The following LDHD variants were observed in gnomAD, a reference collection of about 807,000 sequenced individuals.
The protein encoded by LDHD is lactate dehydrogenase D, also known as D-lactate dehydrogenase, mitochondrial.
Under a neutral mutation model 52.9 loss-of-function variants are expected in LDHD, and 58 were observed. The ratio of observed to expected loss-of-function variants is 1.10; its 90% CI spans 0.89 to 1.36. The LOEUF (loss-of-function observed/expected upper bound fraction) is 1.36, where lower values mean the gene tolerates loss of function less well. Ranked by LOEUF, LDHD falls within the 40% of genes most tolerant of loss-of-function variation. LDHD has a pLI of 0.00. For missense variants in LDHD, 747 were observed against 668.0 expected (o/e 1.12, Z -1.30); for synonymous variants, 350 against 288.6 (o/e 1.21, Z -2.16).
chr16:75,114,562 C>T lies in LDHD; in HGVS notation c.593G>A (p.Arg198Gln), dbSNP rs1490570470. Residue 198 changes from arginine to glutamine, a missense_variant, in exon 5 of 11, where the codon CGG becomes CAG. Arg to Gln is a conservative substitution (Grantham distance 43). Transcript: ENST00000450168. ...GCCTCGGCCCGCCGTGTGCAGCAGCCGCCCGTCGGGCAGCACCACCTCCAG... is the reference window on the plus strand; with the variant it reads ...GCCTCGGCCCGCCGTGTGCAGCAGCTGCCCGTCGGGCAGCACCACCTCCAG... ...LNLEVVLPDG[R>Q]LLHTAGRGRH... The T allele has an allele frequency of 2.0e-6, 3 of 1,530,842 alleles. No individual in the cohort carries two copies. Among genetic ancestry groups the T allele is most frequent in the South Asian group, 1.2e-5 (1 of 83,860 alleles). The allele number at this position is 1,530,842 out of a possible 1,614,324, so 94.8% of individuals were successfully genotyped here.
chr16:75,113,345 G>C (rs761371232), intron 8 of LDHD, among the ~76,000 whole-genome samples, 190 bp downstream of exon 8: 1 of 152,244 alleles, frequency 6.6e-6, no homozygotes, highest in Non-Finnish European at 1.5e-5. Context: ...AGACAACTGT[G>C]CTTTCCCTGT....
At position 75,116,713 on chromosome 16, in the gene LDHD, C is replaced by A. The variant is rs2036564863; in HGVS notation, c.8G>T (p.Arg3Leu). 1.3e-6 allele frequency: 2 copies of A among 1,590,114 alleles called. No homozygotes were observed. Among genetic ancestry groups the A allele is most frequent in the Non-Finnish European group, 1.7e-6 (2 of 1,171,208 alleles). Reference sequence around the variant, plus strand: ...CTCCCAGGTTGCAGACCTGAGCAGTCGGGCCATAGCCAGGCACTGGCCAGA... The same window carrying A: ...CTCCCAGGTTGCAGACCTGAGCAGTAGGGCCATAGCCAGGCACTGGCCAGA... MARLLRSATWELF... is the reference protein window; with the variant it reads MALLLRSATWELF... Residue 3 changes from arginine to leucine, a missense_variant, in exon 1 of 11, where the codon CGA (arginine) becomes CTA (leucine). By Grantham distance (102) the Arg-to-Leu change is moderately radical. Transcript: ENST00000450168.
At chr16:75,114,384 G>T in intron 5 of LDHD, 142 bp downstream of exon 5, 1 of 1,369,326 alleles carries the variant, frequency 7.3e-7, no homozygotes, top group Non-Finnish European at 9.8e-7. Flanking sequence ...TGGCCCAGCT[G>T]ACAGGGCTTC....
rs773871201 is a variant in LDHD at position 75,114,526 on chromosome 16, C to T, written c.629G>A (p.Arg210Gln). 1.6e-5 allele frequency: 25 copies of T among 1,518,948 alleles called. No homozygotes were observed. The highest frequency in any genetic ancestry group is 2.0e-5 in the Non-Finnish European group (23 of 1,138,316). The allele number at this position is 1,518,948 out of a possible 1,614,324, so 94.1% of individuals were successfully genotyped here. A position where few individuals can be genotyped will look rare whatever the true frequency, so the allele number is the denominator to read the frequency against. Reference sequence around the variant, plus strand: ...CGGGCCCCCCGCAGAGGGCGCTCACCGGAAATGCCGGCCTCGGCCCGCCGT... The same window carrying T: ...CGGGCCCCCCGCAGAGGGCGCTCACTGGAAATGCCGGCCTCGGCCCGCCGT... The part of the protein sequence containing the change: ...LHTAGRGRHF[R>Q]KSAAGYNLTG... The change falls in exon 5 of 11, where the codon CGG becomes CAG. Residue 210 changes from arginine to glutamine, a missense_variant and splice_region_variant. Transcript: ENST00000450168.
In LDHD at chr16:75,112,701, C is replaced by CCGACAATGCTTCCTGGGGGCCCAGA; in HGVS notation, c.1178-13_1189dup (p.Gly397ValfsTer13). The CCGACAATGCTTCCTGGGGGCCCAGA allele has an allele frequency of 6.2e-7, 1 of 1,613,924 alleles. No individual in the cohort carries two copies. Among genetic ancestry groups the CCGACAATGCTTCCTGGGGGCCCAGA allele is most frequent in the Non-Finnish European group, 8.5e-7 (1 of 1,179,888 alleles). The stretch of plus-strand genomic sequence containing the variant: ...GTGGAAGTTGCCGTCACCCACATGC[C>CCGACAATGCTTCCTGGGGGCCCAGA]CGACAATGCTTCCTGGGGGCCCAGA... On this transcript the variant is annotated frameshift_variant, in exon 10 of 11. Transcript: ENST00000450168. LOFTEE classifies it high-confidence loss of function.
At chr16:75,113,313 G>A (rs921516783) in intron 8 of LDHD, among the ~76,000 whole-genome samples, 1 of 152,202 alleles carries the variant, frequency 6.6e-6, no homozygotes, top group Non-Finnish European at 1.5e-5. Context: ...TGGCTCACAG[G>A]AAGGGCTTTT....
In LDHD at chr16:75,114,644, C is replaced by G. The variant is rs768305395; in HGVS notation, c.511G>C (p.Gly171Arg). Residue 171 changes from glycine to arginine, a missense_variant, in exon 5 of 11, where the codon GGG (glycine) becomes CGG (arginine). Physicochemically the swap from Gly to Arg is moderately radical, Grantham distance 125 (BLOSUM62 -2). Coordinates refer to ENST00000450168, the MANE Select transcript of LDHD (RefSeq NM_194436.3). ...CGGACCGCGTTGGTCCCCGACGCCC[C>G]GGTGGCCGCCATGCCACAGAGAGAG... ...DASLCGMAATGASGTNAVRYG... is the reference protein window; with the variant it reads ...DASLCGMAATRASGTNAVRYG... 4.1e-5 allele frequency: 62 copies of G among 1,530,262 alleles called. No individual in the cohort carries two copies. Among genetic ancestry groups the G allele is most frequent in the Non-Finnish European group, 5.2e-5 (59 of 1,140,378 alleles). The allele number at this position is 1,530,262 out of a possible 1,614,324, so 94.8% of individuals were successfully genotyped here. A position where few individuals can be genotyped will look rare whatever the true frequency, so the allele number is the denominator to read the frequency against.
At chr16:75,112,755 C>T (rs751013801) in intron 9 of LDHD, 42 bp from the exon 10 acceptor site, 2 of 1,600,922 alleles carry the variant, frequency 1.2e-6, no homozygotes, top group African/African-American at 2.7e-5. Flanking sequence ...GCCCAGTCCT[C>T]CTCTTGCCTC....
chr16:75,116,773 G>A lies in LDHD; in HGVS notation c.-53C>T, dbSNP rs2036566612. 6 of 1,248,198 alleles carry A rather than the reference G, an allele frequency of 4.8e-6. No homozygotes were observed. In the Admixed American group the frequency reaches 1.5e-4, roughly 31 times the overall value. The allele number at this position is 1,248,198 out of a possible 1,614,324, so 77.3% of individuals were successfully genotyped here. On this transcript the variant is annotated 5_prime_UTR_variant, in exon 1 of 11. Coordinates refer to ENST00000450168, the MANE Select transcript of LDHD (RefSeq NM_194436.3). ...CACTGGGTGGCAGGGTGACCAGTCA[G>A]CTACTGTGGCAGCAGCTACTGCTGC...
In LDHD at chr16:75,116,727, G is replaced by T; in HGVS notation, c.-7C>A. On this transcript the variant is annotated 5_prime_UTR_variant, in exon 1 of 11. Transcript: ENST00000450168. The stretch of plus-strand genomic sequence containing the variant: ...ACCTGAGCAGTCGGGCCATAGCCAG[G>T]CACTGGCCAGAGGGTGTGAGCACTG... The T allele has an allele frequency of 6.3e-7, 1 of 1,580,236 alleles. No homozygotes were observed. The highest frequency in any genetic ancestry group is 8.6e-7 in the Non-Finnish European group (1 of 1,167,278).
rs199877283 is a variant in LDHD, at chr16:75,114,652, G to T, written c.503C>A (p.Ala168Glu). Reference protein sequence around the residue: ...PGADASLCGMAATGASGTNAV... With the variant: ...PGADASLCGMEATGASGTNAV... ...GTTGGTCCCCGACGCCCCGGTGGCC[G>T]CCATGCCACAGAGAGAGGCGTCCGC... Residue 168 changes from alanine to glutamate, a missense_variant, in exon 5 of 11, where the codon GCG (alanine) becomes GAG (glutamate). By Grantham distance (107) the Ala-to-Glu change is moderately radical (BLOSUM62 -1). Transcript: ENST00000450168. 2.6e-6 allele frequency: 4 copies of T among 1,531,030 alleles called. No individual in the cohort carries two copies. The highest frequency in any genetic ancestry group is 8.8e-7 in the Non-Finnish European group (1 of 1,140,404). 94.8% of individuals were successfully genotyped at this position (1,531,030 alleles called of 1,614,324 possible). A position where few individuals can be genotyped will look rare whatever the true frequency, so the allele number is the denominator to read the frequency against.
In LDHD at chr16:75,115,235, G is replaced by C. The variant is rs2036520987; in HGVS notation, c.290C>G (p.Thr97Ser). ...GACGCCACCCTCAAGCCCGGTGCCG[G>C]TGCCGAATGGGATGATGGGCACACC... ...RQGVPIIPFG[T>S]GTGLEGGVCA... Residue 97 changes from threonine (T) to serine (S), a missense_variant, in exon 3 of 11, where the codon ACC (threonine) becomes AGC (serine). Transcript: ENST00000450168. The C allele has an allele frequency of 1.9e-6, 3 of 1,613,272 alleles. No individual in the cohort carries two copies. The highest frequency in any genetic ancestry group is 2.5e-6 in the Non-Finnish European group (3 of 1,180,004).
chr16:75,114,083 G>T lies in LDHD; in HGVS notation c.712C>A (p.Arg238Ser), dbSNP rs773896927. 5 of 1,611,512 alleles carry T rather than the reference G, an allele frequency of 3.1e-6. No individual in the cohort carries two copies. Among genetic ancestry groups the T allele is most frequent in the Non-Finnish European group, 4.2e-6 (5 of 1,179,940 alleles). Residue 238 changes from arginine to serine, a missense_variant, in exon 6 of 11, where the codon CGC (arginine) becomes AGC (serine). Transcript: ENST00000450168. ...GTGGCCTCAGGGGCAGGGTGCAGGCGCAGGGTGGTGGCTGTGATGAGGCCC... is the reference window on the plus strand; with the variant it reads ...GTGGCCTCAGGGGCAGGGTGCAGGCTCAGGGTGGTGGCTGTGATGAGGCCC... ...TLGLITATTLRLHPAPEATVA... is the reference protein window; with the variant it reads ...TLGLITATTLSLHPAPEATVA...
In LDHD at chr16:75,116,712, T is replaced by C; in HGVS notation, c.9A>G (p.Arg3=). ...GCTCCCAGGTTGCAGACCTGAGCAG[T>C]CGGGCCATAGCCAGGCACTGGCCAG... MA[R]LLRSATWELF... The change falls in exon 1 of 11, where the codon CGA becomes CGG. Residue 3 remains arginine (R), a synonymous_variant. Transcript: ENST00000450168. 6.3e-7 allele frequency: 1 copy of C among 1,592,390 alleles called. No individual in the cohort carries two copies. Among genetic ancestry groups the C allele is most frequent in the Admixed American group, 1.8e-5 (1 of 55,732 alleles).
At position 75,114,519 on chromosome 16, in the gene LDHD, C is replaced by T. The variant is rs1291320402; in HGVS notation, c.629+7G>A. 2.0e-6 allele frequency: 3 copies of T among 1,513,520 alleles called. No homozygotes were observed. The highest frequency in any genetic ancestry group is 2.1e-5 in the Admixed American group (1 of 48,508). The allele number at this position is 1,513,520 out of a possible 1,614,324, so 93.8% of individuals were successfully genotyped here. On this transcript the variant is annotated splice_region_variant and intron_variant, in intron 5 of 10. Transcript: ENST00000450168. ...CAGAGCCCGGGCCCCCCGCAGAGGG[C>T]GCTCACCGGAAATGCCGGCCTCGGC...
At position 75,116,685 on chromosome 16, in the gene LDHD, C is replaced by G. The variant is rs1485682505; in HGVS notation, c.36G>C (p.Leu12=). 1.0e-5 allele frequency: 16 copies of G among 1,603,592 alleles called. No individual in the cohort carries two copies. Among genetic ancestry groups the G allele is most frequent in the Non-Finnish European group, 1.3e-5 (15 of 1,175,876 alleles). The change falls in exon 1 of 11, where the codon CTG becomes CTC. Residue 12 remains leucine (L), a synonymous_variant. Coordinates refer to ENST00000450168, the MANE Select transcript of LDHD (RefSeq NM_194436.3). ...GGGAGCAGTAGCCCCTCCAGGGGAACAGCTCCCAGGTTGCAGACCTGAGCA... is the reference window on the plus strand; with the variant it reads ...GGGAGCAGTAGCCCCTCCAGGGGAAGAGCTCCCAGGTTGCAGACCTGAGCA... ...ARLLRSATWE[L]FPWRGYCSQK...
rs2036463454 is a variant in LDHD at position 75,113,677 on chromosome 16, G to A, written c.959-15C>T. 3.1e-6 allele frequency: 5 copies of A among 1,613,122 alleles called. No individual in the cohort carries two copies. Among genetic ancestry groups the A allele is most frequent in the South Asian group, 1.1e-5 (1 of 91,068 alleles). On this transcript the variant is annotated splice_polypyrimidine_tract_variant and intron_variant, in intron 7 of 10. Transcript: ENST00000450168. ...GACTATCTCCTCTGCAGTTGGGGAA[G>A]GGGGGCTGACACCGGGCCGCCACTG... is the stretch of plus-strand genomic sequence containing the variant.
At chr16:75,115,736 A>AGGGCTGG in intron 1 of LDHD, 76 bp from the exon 2 acceptor site, 1 of 941,738 alleles carries the variant, frequency 1.1e-6, no homozygotes, top group Non-Finnish European at 1.6e-6. Flanking sequence ...TGTCGGGGGG[A>AGGGCTGG]GGGCTGGGGG....
At chr16:75,116,146 C>T (rs1199727796) in intron 1 of LDHD, among the ~76,000 whole-genome samples, 1 of 152,186 alleles carries the variant, frequency 6.6e-6, no homozygotes, top group Non-Finnish European at 1.5e-5. Flanking sequence ...CTCACTTCCT[C>T]CTTTCTCCAG....
Sources: gnomAD v4.1 joint callset for allele counts (sites outside exome capture counted in the v4.1 genomes callset) on GRCh38, gnomAD v4.1.1 for gene constraint, MANE v1.5 for transcripts, NCBI Gene and HGNC (gene_info 2026-07-23, HGNC 2026-07-21) for gene names.